The following PLPP7 variants were observed in gnomAD, a reference collection of about 807,000 sequenced individuals.
The protein encoded by PLPP7 is phospholipid phosphatase 7 (inactive).
A neutral mutation model predicts 16.9 loss-of-function variants in PLPP7; 11 were observed. That is an observed-to-expected ratio of 0.65 (90% confidence interval 0.41 to 1.08). The LOEUF is 1.08. PLPP7 is among the 50% of genes least tolerant of loss of function. The pLI is 0.00. For missense variants in PLPP7, 358 were observed against 397.1 expected, an observed-to-expected ratio of 0.90 and a Z score of 0.84; for synonymous variants, 174 against 175.1, an observed-to-expected ratio of 0.99 and a Z score of 0.05.
intron 1 of PLPP7, among the ~76,000 whole-genome samples, chr9:131,304,102 C>T (rs1387660409): frequency 6.6e-6 from 1 of 152,134 alleles, no homozygotes; most frequent in Admixed American, 6.5e-5. Context: ...GCTGATGCCA[C>T]CCCCACCCCC....
rs777854197 is a variant in PLPP7 at position 131,290,289 on chromosome 9, G to T, written c.292G>T (p.Val98Leu). 3.1e-6 allele frequency: 5 copies of T among 1,612,198 alleles called. No individual in the cohort carries two copies. The highest frequency in any genetic ancestry group is 1.6e-4 in the Middle Eastern group (1 of 6,080). The change falls in exon 1 of 2, where the codon GTG becomes TTG. Residue 98 changes from valine to leucine, a missense_variant. Coordinates refer to ENST00000372264, the MANE Select transcript of PLPP7 (RefSeq NM_032728.4). The surrounding 1 kb of genome is among the most constrained non-coding windows in gnomAD (Gnocchi z 4.2). The part of the protein sequence containing the change: ...IDICMSKRLG[V>L]CAGRAASWAS... ...TATCTGTATGTCCAAGCGGCTGGGG[G>T]TGTGCGCTGGCCGGGCGGCGTCCTG... is the stretch of plus-strand genomic sequence containing the variant.
chr9:131,290,997 C>T lies in PLPP7; in HGVS notation c.451+549C>T. The T allele has an allele frequency of 4.0e-6, 5 of 1,235,848 alleles. No homozygotes were observed. In the South Asian group the frequency reaches 4.7e-5, roughly 12 times the overall value. 76.6% of individuals were successfully genotyped at this position (1,235,848 alleles called of 1,614,324 possible). The stretch of plus-strand genomic sequence containing the variant: ...TTCCCCTGGGACTGCCACCCACTCA[C>T]AGCCCCCTGGAGTTCTTCCCTGCTC... On this transcript the variant is annotated intron_variant, in intron 1 of 1. Coordinates refer to ENST00000372264, the MANE Select transcript of PLPP7 (RefSeq NM_032728.4). The surrounding 1 kb of genome is among the most constrained non-coding windows in gnomAD (Gnocchi z 4.2).
rs1835883537 is a variant in PLPP7 at position 131,308,539 on chromosome 9, C to T, written c.*252C>T. On this transcript the variant is annotated 3_prime_UTR_variant, in exon 2 of 2. Coordinates refer to ENST00000372264, the MANE Select transcript of PLPP7 (RefSeq NM_032728.4). ...AGTCTCCTCTCTAGGCAGCCAGGAC[C>T]CACCCATGGGGACAGCCCTATTTAG... 1.5e-5 allele frequency: 9 copies of T among 587,864 alleles called. No homozygotes were observed. The South Asian group carries it at 1.9e-4, about 12-fold the overall frequency. The allele number at this position is 587,864 out of a possible 1,614,324, so 36.4% of individuals were successfully genotyped here.
At position 131,303,107 on chromosome 9, in the gene PLPP7, G is replaced by A. The variant is rs529403348; in HGVS notation, c.452-4816G>A. On this transcript the variant is annotated intron_variant, in intron 1 of 1. Coordinates refer to ENST00000372264, the MANE Select transcript of PLPP7 (RefSeq NM_032728.4). Reference sequence around the variant, plus strand: ...AGCACTTTGGGAGGCTGAGGTGCGCGGATCACCTGAGGTCGGGAGTTCAAG... The same window carrying A: ...AGCACTTTGGGAGGCTGAGGTGCGCAGATCACCTGAGGTCGGGAGTTCAAG... 2.1e-4 allele frequency among the ~76,000 whole-genome samples: 32 copies of A among 152,242 alleles called. 2 individuals carry two copies. The highest frequency in any genetic ancestry group is 1.5e-3 in the Admixed American group (23 of 15,290).
At position 131,309,233 on chromosome 9, in the gene PLPP7, T is replaced by C. The variant is rs1835891914; in HGVS notation, c.*946T>C. 2.0e-5 allele frequency: 3 copies of C among 152,656 alleles called. No homozygotes were observed. Among genetic ancestry groups the C allele is most frequent in the Non-Finnish European group, 2.9e-5 (2 of 68,046 alleles). 9.5% of individuals were successfully genotyped at this position (152,656 alleles called of 1,614,324 possible). ...TCACCCGTTTTGGATGTGCATTTCA[T>C]GTGACAATACAGATGACATGCAAAT... On this transcript the variant is annotated 3_prime_UTR_variant, in exon 2 of 2. Transcript: ENST00000372264.
At chr9:131,291,988 G>A (rs1193302881) in intron 1 of PLPP7, among the ~76,000 whole-genome samples, 1 of 152,238 alleles carries the variant, frequency 6.6e-6, no homozygotes, top group East Asian at 1.9e-4. Context: ...CCATTTTACA[G>A]ATTAGGGAAC....
chr9:131,305,789 T>G (rs1330744537), intron 1 of PLPP7, among the ~76,000 whole-genome samples: 1 of 152,072 alleles, frequency 6.6e-6, no homozygotes, highest in African/African-American at 2.4e-5. Context: ...CCATCACACA[T>G]GTCTAATTTT....
At chr9:131,291,427 C>G in intron 1 of PLPP7, 2 of 1,147,592 alleles carry the variant, frequency 1.7e-6, no homozygotes, top group Non-Finnish European at 2.2e-6. Flanking sequence ...ACAATAAAAA[C>G]ACGTATCTCC....
At chr9:131,305,011 G>C (rs1042738614) in intron 1 of PLPP7, among the ~76,000 whole-genome samples, 1 of 152,182 alleles carries the variant, frequency 6.6e-6, no homozygotes, top group African/African-American at 2.4e-5. Context: ...TGAGCTCCAG[G>C]GGTTCATCTT....
Position 131,290,589 on chromosome 9 carries a change from C to A in PLPP7, c.451+141C>A. ...TAATGAGGTTAGGCAGGAAGGGTGC[C>A]CCAGAAACAGGCAGGCTCCGGCGTG... On this transcript the variant is annotated intron_variant, in intron 1 of 1. Transcript: ENST00000372264. The surrounding 1 kb of genome is among the most constrained non-coding windows in gnomAD (Gnocchi z 4.2). The A allele has an allele frequency of 1.3e-6, 1 of 779,662 alleles. No individual in the cohort carries two copies. The allele number at this position is 779,662 out of a possible 1,614,324, so 48.3% of individuals were successfully genotyped here.
At chr9:131,296,659 T>C (rs1835737139) in intron 1 of PLPP7, among the ~76,000 whole-genome samples, 1 of 152,236 alleles carries the variant, frequency 6.6e-6, no homozygotes, top group African/African-American at 2.4e-5. Context: ...CTGCCGCAGC[T>C]TGGGTCACGT....
At chr9:131,291,871 C>T (rs1246254353) in intron 1 of PLPP7, among the ~76,000 whole-genome samples, 1 of 152,204 alleles carries the variant, frequency 6.6e-6, no homozygotes, top group Non-Finnish European at 1.5e-5. Context: ...CATGAGCCAC[C>T]GTGCCTGGCC....
In PLPP7 at chr9:131,307,843, G is replaced by A. The variant is rs1020481735; in HGVS notation, c.452-80G>A. On this transcript the variant is annotated intron_variant, in intron 1 of 1. Transcript: ENST00000372264. Reference sequence around the variant, plus strand: ...TGAGTGAGGAGCAGAAAGGGGAGGCGAGGTGGAAATGTGGGGGGCCAGGGC... The same window carrying A: ...TGAGTGAGGAGCAGAAAGGGGAGGCAAGGTGGAAATGTGGGGGGCCAGGGC... 29 of 1,390,734 alleles carry A rather than the reference G, an allele frequency of 2.1e-5. No individual in the cohort carries two copies. In the African/African-American group the frequency reaches 2.7e-4, roughly 13 times the overall value. 86.1% of individuals were successfully genotyped at this position (1,390,734 alleles called of 1,614,324 possible).
chr9:131,302,551 C>T (rs1215540271), intron 1 of PLPP7, among the ~76,000 whole-genome samples: 2 of 152,206 alleles, frequency 1.3e-5, no homozygotes, highest in African/African-American at 4.8e-5. Flanking sequence ...GCCAGCCACA[C>T]GCCTCCCCAG....
Position 131,290,238 on chromosome 9 carries a change from G to T in PLPP7, c.241G>T (p.Ala81Ser), listed in dbSNP as rs764693403. Residue 81 changes from alanine to serine, a missense_variant, in exon 1 of 2, where the codon GCC becomes TCC. Ala to Ser is a moderately conservative substitution (Grantham distance 99, BLOSUM62 1). Coordinates refer to ENST00000372264, the MANE Select transcript of PLPP7 (RefSeq NM_032728.4). This position sits in a 1 kb window ranked among gnomAD's most constrained non-coding sequence, Gnocchi z 4.2. ...GCTGAACCCCTCCTTCAAGGGCATC[G>T]CCTTCAACTCCCTGCTGGCCATCGA... ...MQLNPSFKGI[A>S]FNSLLAIDIC... 6 of 1,610,368 alleles carry T rather than the reference G, an allele frequency of 3.7e-6. No individual in the cohort carries two copies. In the Admixed American group the frequency reaches 6.7e-5, roughly 18 times the overall value.
At chr9:131,300,638 C>T (rs1835787429) in intron 1 of PLPP7, among the ~76,000 whole-genome samples, 1 of 147,078 alleles carries the variant, frequency 6.8e-6, no homozygotes, top group African/African-American at 2.5e-5. Context: ...ACCATGTTTG[C>T]ACCACTGTAC....
intron 1 of PLPP7, among the ~76,000 whole-genome samples, chr9:131,307,718 G>A (rs909162094): frequency 1.4e-4 from 21 of 152,178 alleles, no homozygotes; most frequent in African/African-American, 4.8e-4. Flanking sequence ...TCCGCTAAAG[G>A]AAGTAGCTAC....
chr9:131,301,269 C>T (rs991870121), intron 1 of PLPP7, among the ~76,000 whole-genome samples: 3 of 152,114 alleles, frequency 2.0e-5, no homozygotes, highest in African/African-American at 7.2e-5. Flanking sequence ...GCGCTGGCCT[C>T]GAAAGGCAGA....
In PLPP7 at chr9:131,307,983, C is replaced by A. The variant is rs764692797; in HGVS notation, c.512C>A (p.Pro171Gln). The A allele has an allele frequency of 6.2e-7, 1 of 1,600,176 alleles. No individual in the cohort carries two copies. The highest frequency in any genetic ancestry group is 1.1e-5 in the South Asian group (1 of 91,028). Reference protein sequence around the residue: ...GVQKLIKRRGPYETSPSLLDY... With the variant: ...GVQKLIKRRGQYETSPSLLDY... The stretch of plus-strand genomic sequence containing the variant: ...CAGAAGCTCATCAAGCGGCGCGGCC[C>A]GTACGAGACGAGCCCCAGCCTCCTG... Residue 171 changes from proline (P) to glutamine (Q), a missense_variant, in exon 2 of 2, where the codon CCG becomes CAG. Physicochemically the swap from Pro to Gln is moderately conservative, Grantham distance 76 (BLOSUM62 -1). Coordinates refer to ENST00000372264, the MANE Select transcript of PLPP7 (RefSeq NM_032728.4).
Sources: gnomAD v4.1 joint callset for allele counts (sites outside exome capture counted in the v4.1 genomes callset) on GRCh38, gnomAD v4.1.1 for gene constraint, Gnocchi (gnomAD v3.1) non-coding constraint, MANE v1.5 for transcripts, NCBI Gene and HGNC (gene_info 2026-07-23, HGNC 2026-07-21) for gene names.